The following SPIRE1 variants were observed in gnomAD, a reference collection of about 807,000 sequenced individuals.
The protein encoded by SPIRE1 is protein spire homolog 1.
Under a neutral mutation model 94.1 loss-of-function variants are expected in SPIRE1, and 40 were observed. The ratio of observed to expected loss-of-function variants is 0.43; its 90% CI spans 0.33 to 0.55. The LOEUF (loss-of-function observed/expected upper bound fraction) is 0.55. SPIRE1 is among the 20% of genes least tolerant of loss of function. The pLI, the probability that SPIRE1 is intolerant of heterozygous loss-of-function variation, is 0.06. For synonymous variants in SPIRE1, 376 were observed against 371.7 expected (o/e 1.01, Z -0.13); for missense variants, 838 against 975.2 (o/e 0.86, Z 1.87).
chr18:12,473,758 A>G lies in SPIRE1; in HGVS notation c.1404+5941T>C, dbSNP rs74377113. On this transcript the variant is annotated intron_variant, in intron 10 of 16. Transcript: ENST00000409402. ...TTAACTGATTACAAAGAAATTCAGA[A>G]CTAAATAAGGGTTATTTAAGCAGTA... 2.8e-4 allele frequency among the ~76,000 whole-genome samples: 42 copies of G among 152,358 alleles called. No homozygotes were observed. In the East Asian group the frequency reaches 7.5e-3, roughly 27 times the overall value.
At chr18:12,645,392 A>G (rs114651158) in intron 1 of SPIRE1, among the ~76,000 whole-genome samples, 3,846 of 152,216 alleles carry the variant, frequency 0.025, 173 homozygotes, top group African/African-American at 0.087. Flanking sequence ...TTCCCACCCT[A>G]ACCTGCCCCT....
At chr18:12,573,669 A>G (rs1447216254) in intron 2 of SPIRE1, among the ~76,000 whole-genome samples, 1 of 152,250 alleles carries the variant, frequency 6.6e-6, no homozygotes, top group Admixed American at 6.5e-5. Context: ...ATGTGTCATC[A>G]TATATCTGTC....
rs575497733 is a variant in SPIRE1, at chr18:12,616,464, G to T, written c.372+18598C>A. Among the ~76,000 whole-genome samples, 3 of 152,316 alleles carry T rather than the reference G, an allele frequency of 2.0e-5. No individual in the cohort carries two copies. The East Asian group carries it at 5.8e-4, about 29-fold the overall frequency. On this transcript the variant is annotated intron_variant, in intron 2 of 16. Transcript: ENST00000409402. ...ATGTGACCAGGCACAGGGTGTTGAG[G>T]TTTTACTTGCGGGTGGGTGGAAGGT...
chr18:12,557,060 G>T (rs777145184), intron 2 of SPIRE1, among the ~76,000 whole-genome samples: 2 of 152,200 alleles, frequency 1.3e-5, no homozygotes, highest in South Asian at 4.1e-4. Flanking sequence ...GTCCCCACCC[G>T]ACTCAGAAGC....
chr18:12,468,142 T>C (rs1255160079), intron 10 of SPIRE1, among the ~76,000 whole-genome samples: 3 of 152,128 alleles, frequency 2.0e-5, no homozygotes, highest in Admixed American at 6.5e-5. Flanking sequence ...GCTCTATAAA[T>C]AAGCAAATAG....
intron 7 of SPIRE1, among the ~76,000 whole-genome samples, chr18:12,495,371 T>C (rs1176709859): frequency 1.3e-5 from 2 of 152,200 alleles, no homozygotes; most frequent in Non-Finnish European, 2.9e-5. Context: ...CAGGTGGATT[T>C]ATTATAAAAT....
chr18:12,469,835 T>C (rs953098006), intron 10 of SPIRE1, among the ~76,000 whole-genome samples: 6 of 149,946 alleles, frequency 4.0e-5, no homozygotes, highest in African/African-American at 1.5e-4. Flanking sequence ...ACATTTGGAG[T>C]ACTAGATTTT....
At chr18:12,598,825 A>G (rs1223537557) in intron 2 of SPIRE1, among the ~76,000 whole-genome samples, 1 of 152,002 alleles carries the variant, frequency 6.6e-6, no homozygotes, top group Non-Finnish European at 1.5e-5. Context: ...AATAAAGCCA[A>G]CTCTGAAGCC....
intron 4 of SPIRE1, among the ~76,000 whole-genome samples, chr18:12,513,231 ATCAAT>A (rs969636464): frequency 3.9e-5 from 6 of 152,318 alleles, no homozygotes; most frequent in Admixed American, 2.6e-4. Context: ...CTCAAACTGC[ATCAAT>A]TCAACACTTG....
intron 8 of SPIRE1, among the ~76,000 whole-genome samples, chr18:12,490,707 C>T (rs1000495791): frequency 6.6e-6 from 1 of 152,028 alleles, no homozygotes; most frequent in Non-Finnish European, 1.5e-5. Context: ...ATTTCAAATG[C>T]AGAGAAAGCA....
rs2034433832 is a variant in SPIRE1, at chr18:12,523,996, C to A, written c.730-11465G>T. On this transcript the variant is annotated intron_variant, in intron 4 of 16. Coordinates refer to ENST00000409402, the MANE Select transcript of SPIRE1 (RefSeq NM_001128626.2). ...TGCACATTTAATAGACTATAATATACATAAAGATAATTAATTTTGTATGCA... is the reference window on the plus strand; with the variant it reads ...TGCACATTTAATAGACTATAATATAAATAAAGATAATTAATTTTGTATGCA... 2.0e-5 allele frequency among the ~76,000 whole-genome samples: 3 copies of A among 151,984 alleles called. No homozygotes were observed. In the South Asian group the frequency reaches 6.2e-4, roughly 32 times the overall value.
chr18:12,569,058 T>A (rs962511888), intron 2 of SPIRE1, among the ~76,000 whole-genome samples: 2 of 152,064 alleles, frequency 1.3e-5, no homozygotes, highest in East Asian at 1.9e-4. Flanking sequence ...AGGCATAACA[T>A]GGCCGGGTGC....
chr18:12,568,259 C>T (rs2035867970), intron 2 of SPIRE1, among the ~76,000 whole-genome samples: 1 of 152,202 alleles, frequency 6.6e-6, no homozygotes, highest in African/African-American at 2.4e-5. Context: ...TCTTACATGC[C>T]AATCATTTTT....
At chr18:12,541,541 A>G (rs2035015544) in intron 3 of SPIRE1, among the ~76,000 whole-genome samples, 1 of 152,222 alleles carries the variant, frequency 6.6e-6, no homozygotes, top group African/African-American at 2.4e-5. Context: ...TCCTTAGTAA[A>G]TTGAACTTTT....
At chr18:12,651,801 T>A (rs1301748996) in intron 1 of SPIRE1, among the ~76,000 whole-genome samples, 1 of 152,250 alleles carries the variant, frequency 6.6e-6, no homozygotes, top group African/African-American at 2.4e-5. Context: ...TGAACCTTGC[T>A]GAGAAGCTTG....
At chr18:12,525,290 A>T (rs1171003191) in intron 4 of SPIRE1, among the ~76,000 whole-genome samples, 169 of 146,440 alleles carry the variant, frequency 1.2e-3, no homozygotes, top group South Asian at 4.2e-3. Context: ...AAAAAAAAAA[A>T]AAAAAAAATA....
chr18:12,636,541 TAAA>T (rs1294268784), intron 1 of SPIRE1, among the ~76,000 whole-genome samples: 1 of 147,904 alleles, frequency 6.8e-6, no homozygotes, highest in Non-Finnish European at 1.5e-5. Context: ...AATGAAAAAA[TAAA>T]AGAAGACAAC....
At chr18:12,547,850 G>A (rs958327871) in intron 2 of SPIRE1, among the ~76,000 whole-genome samples, 1 of 152,220 alleles carries the variant, frequency 6.6e-6, no homozygotes, top group South Asian at 2.1e-4. Flanking sequence ...GCTGAGGCAG[G>A]AGAATCGCTT....
At chr18:12,552,989 G>T (rs747956081) in intron 2 of SPIRE1, among the ~76,000 whole-genome samples, 3 of 152,186 alleles carry the variant, frequency 2.0e-5, no homozygotes, top group Non-Finnish European at 2.9e-5. Context: ...GGAACCTGCT[G>T]CCTTGAACAG....
Sources: gnomAD v4.1 joint callset for allele counts (sites outside exome capture counted in the v4.1 genomes callset) on GRCh38, gnomAD v4.1.1 for gene constraint, MANE v1.5 for transcripts, NCBI Gene and HGNC (gene_info 2026-07-23, HGNC 2026-07-21) for gene names.